USP10: variants seen among roughly 807,000 people sequenced by gnomAD.
The protein encoded by USP10 is ubiquitin carboxyl-terminal hydrolase 10.
In USP10, 22 loss-of-function variants were observed where a neutral mutation model predicts 84.5. The ratio of observed to expected loss-of-function variants is 0.26; its 90% CI spans 0.19 to 0.37. The LOEUF (loss-of-function observed/expected upper bound fraction) is 0.37, where lower values mean the gene tolerates loss of function less well. USP10 is among the 10% of genes least tolerant of loss of function. The pLI, the probability that USP10 is intolerant of heterozygous loss-of-function variation, is 1.00. For missense variants in USP10, 1,019 were observed against 998.9 expected (o/e 1.02, Z -0.27); for synonymous variants, 454 against 387.6 (o/e 1.17, Z -2.01).
intron 4 of USP10, among the ~76,000 whole-genome samples, chr16:84,750,228 G>A (rs1306740520): frequency 6.6e-6 from 1 of 151,888 alleles, no homozygotes; most frequent in African/African-American, 2.4e-5. Context: ...GCCAACATAG[G>A]GAAATCCCAT....
intron 11 of USP10, among the ~76,000 whole-genome samples, chr16:84,771,365 C>G (rs1368524663): frequency 6.6e-6 from 1 of 151,968 alleles, no homozygotes; most frequent in Non-Finnish European, 1.5e-5. Flanking sequence ...CAGCTGGGCT[C>G]ATGGCTGTAG....
rs1431862509 is a variant in USP10 at position 84,758,847 on chromosome 16, C to G, written c.1284+40C>G. On this transcript the variant is annotated intron_variant, in intron 5 of 13. Coordinates refer to ENST00000219473, the MANE Select transcript of USP10 (RefSeq NM_005153.3). ...CGCCGTCCGCAAGGCCAGCTTGTTG[C>G]AGCTGTCCCTCCTTTGGGTGCATGT... The G allele has an allele frequency of 4.9e-6, 7 of 1,442,346 alleles. No individual in the cohort carries two copies. In the South Asian group the frequency reaches 5.7e-5, roughly 12 times the overall value. The allele number at this position is 1,442,346 out of a possible 1,614,324, so 89.3% of individuals were successfully genotyped here. A position where few individuals can be genotyped will look rare whatever the true frequency, so the allele number is the denominator to read the frequency against.
chr16:84,753,277 CT>C (rs2069063426), intron 4 of USP10, among the ~76,000 whole-genome samples: 1 of 152,108 alleles, frequency 6.6e-6, no homozygotes, highest in Non-Finnish European at 1.5e-5. Flanking sequence ...ATTAATATAT[CT>C]TTAATATGTC....
intron 12 of USP10, among the ~76,000 whole-genome samples, chr16:84,774,473 T>C (rs1260402763): frequency 9.1e-6 from 1 of 109,398 alleles, no homozygotes; most frequent in Non-Finnish European, 1.9e-5. Context: ...TTTTGTTTTG[T>C]TTTTTTTTTG....
At chr16:84,772,391 G>A in intron 11 of USP10, 150 bp from the exon 12 acceptor site, 6 of 1,059,408 alleles carry the variant, frequency 5.7e-6, no homozygotes, top group Non-Finnish European at 7.0e-6. Flanking sequence ...AGATCTCAGA[G>A]CTTCTGTGGG....
intron 3 of USP10, among the ~76,000 whole-genome samples, chr16:84,741,142 A>AC (rs1910575462): frequency 3.9e-5 from 6 of 152,230 alleles, no homozygotes; most frequent in Admixed American, 2.0e-4. Flanking sequence ...CAGACTTATG[A>AC]AAGGGGTTTT....
rs78765389 is a variant in USP10, at chr16:84,764,447, C to T, written c.1832+184C>T. Among the ~76,000 whole-genome samples, 1,185 of 152,326 alleles carry T rather than the reference C, an allele frequency of 7.8e-3. 9 individuals are homozygous for T. The highest frequency in any genetic ancestry group is 0.027 in the African/African-American group (1,105 of 41,568). On this transcript the variant is annotated intron_variant, in intron 10 of 13. Transcript: ENST00000219473. ...CTTGTCAGCCCCCGTGGCTTATTCT[C>T]TCCCTGCTGGCGCATGTCTGCAGGG...
intron 10 of USP10, among the ~76,000 whole-genome samples, chr16:84,767,909 G>A (rs1278407553): frequency 1.3e-5 from 2 of 152,108 alleles, no homozygotes; most frequent in Non-Finnish European, 2.9e-5. Context: ...GGTTTTCCTA[G>A]GCAGAGGACC....
chr16:84,730,007 G>A (rs1276179084), intron 1 of USP10, among the ~76,000 whole-genome samples: 7 of 152,152 alleles, frequency 4.6e-5, no homozygotes, highest in African/African-American at 1.7e-4. Flanking sequence ...TTGAAGAGTT[G>A]TAAGGTGATT....
intron 2 of USP10, among the ~76,000 whole-genome samples, chr16:84,735,819 A>G (rs1909859746): frequency 6.6e-6 from 1 of 152,218 alleles, no homozygotes; most frequent in East Asian, 1.9e-4. Flanking sequence ...AAAAGAGTTT[A>G]TCAAAATCAC....
At chr16:84,758,601 G>A in intron 4 of USP10, 115 bp from the exon 5 acceptor site, 1 of 727,350 alleles carries the variant, frequency 1.4e-6, no homozygotes, top group Non-Finnish European at 2.4e-6. Flanking sequence ...TTCTTTGGCT[G>A]TGTGTTTTAC....
rs543402674 is a variant in USP10 at position 84,758,825 on chromosome 16, C to T, written c.1284+18C>T. The T allele has an allele frequency of 4.7e-5, 75 of 1,581,630 alleles. 1 individual carries two copies. The highest frequency in any genetic ancestry group is 1.8e-4 in the East Asian group (8 of 44,748). On this transcript the variant is annotated intron_variant, in intron 5 of 13. Coordinates refer to ENST00000219473, the MANE Select transcript of USP10 (RefSeq NM_005153.3). ...TTAATGCTGTATCCTTCCTGGACGC[C>T]GTCCGCAAGGCCAGCTTGTTGCAGC...
intron 8 of USP10, among the ~76,000 whole-genome samples, chr16:84,761,550 G>A (rs182422872): frequency 4.6e-5 from 7 of 152,322 alleles, no homozygotes; most frequent in South Asian, 4.1e-4. Flanking sequence ...AAGGCTACGC[G>A]TAACTACTCC....
chr16:84,775,270 G>A (rs753480863), intron 13 of USP10, 45 bp downstream of exon 13: 6 of 1,589,460 alleles, frequency 3.8e-6, no homozygotes, highest in Non-Finnish European at 5.2e-6. Context: ...AAACACTGAT[G>A]AAGGGGTTTA....
At chr16:84,757,222 G>T (rs2012733) in intron 4 of USP10, among the ~76,000 whole-genome samples, 138,186 of 152,202 alleles carry the variant, frequency 0.91, 63,081 homozygotes, top group Non-Finnish European at 0.96. Flanking sequence ...GGCCCAGTTC[G>T]GTATTCCATA....
At chr16:84,724,815 C>T (rs1286154339) in intron 1 of USP10, among the ~76,000 whole-genome samples, 1 of 152,074 alleles carries the variant, frequency 6.6e-6, no homozygotes, top group African/African-American at 2.4e-5. Context: ...GTTAAATTGG[C>T]GAACTTCCTG....
intron 12 of USP10, among the ~76,000 whole-genome samples, chr16:84,773,575 C>T (rs1033240042): frequency 6.6e-6 from 1 of 152,192 alleles, no homozygotes; most frequent in East Asian, 1.9e-4. Flanking sequence ...GGCCTGCACA[C>T]AAGAGCTGTG....
intron 10 of USP10, among the ~76,000 whole-genome samples, chr16:84,764,995 C>T (rs1263528994): frequency 1.4e-5 from 2 of 147,178 alleles, no homozygotes; most frequent in African/African-American, 2.5e-5. Context: ...CATAAAACCA[C>T]CTCCGGGAGG....
intron 13 of USP10, 136 bp downstream of exon 13, chr16:84,775,361 G>T (rs1266515969): frequency 5.0e-6 from 4 of 796,440 alleles, no homozygotes; most frequent in African/African-American, 1.7e-5. Flanking sequence ...GTGAGTCGGG[G>T]AGTCACGTGA....
Sources: allele counts gnomAD v4.1 joint callset (sites outside exome capture counted in the v4.1 genomes callset), GRCh38; gene constraint gnomAD v4.1.1; transcripts MANE v1.5; gene names NCBI Gene and HGNC (gene_info 2026-07-23, HGNC 2026-07-21).